PID1: variants seen among roughly 807,000 people sequenced by gnomAD.
The protein encoded by PID1 is phosphotyrosine interaction domain containing 1, also known as PTB-containing, cubilin and LRP1-interacting protein.
Under a neutral mutation model 19.1 loss-of-function variants are expected in PID1, and 10 were observed. That is an observed-to-expected ratio of 0.52 (90% confidence interval 0.32 to 0.89). PID1 has a LOEUF of 0.89. PID1 is among the 40% of genes least tolerant of loss of function. The pLI is 0.03. For missense variants in PID1, 248 were observed against 285.3 expected, an observed-to-expected ratio of 0.87 and a Z score of 0.94; for synonymous variants, 130 against 116.0, an observed-to-expected ratio of 1.12 and a Z score of -0.78.
At chr2:229,174,729 A>G (rs1690782401) in intron 1 of PID1, among the ~76,000 whole-genome samples, 1 of 152,066 alleles carries the variant, frequency 6.6e-6, no homozygotes, top group African/African-American at 2.4e-5. Context: ...TGAAGAAAAA[A>G]AAAAAAAAAA....
intron 2 of PID1, among the ~76,000 whole-genome samples, chr2:229,051,002 C>CA (rs1303440254): frequency 1.3e-5 from 2 of 152,172 alleles, no homozygotes; most frequent in East Asian, 3.9e-4. Flanking sequence ...AGAACTTAGG[C>CA]AGGAAGGCCA....
chr2:229,033,267 T>C (rs542325590), intron 2 of PID1, among the ~76,000 whole-genome samples: 7 of 152,326 alleles, frequency 4.6e-5, no homozygotes, highest in Admixed American at 1.3e-4. Flanking sequence ...AAGCACCTGC[T>C]TTCCTGGAGT....
intron 1 of PID1, among the ~76,000 whole-genome samples, chr2:229,255,495 T>G (rs2106287216): frequency 6.6e-6 from 1 of 152,244 alleles, no homozygotes; most frequent in African/African-American, 2.4e-5. Flanking sequence ...TCAGTTTGGG[T>G]TTTCTGAAAT....
At chr2:229,084,009 T>C (rs1364488468) in intron 2 of PID1, among the ~76,000 whole-genome samples, 1 of 152,176 alleles carries the variant, frequency 6.6e-6, no homozygotes, top group Non-Finnish European at 1.5e-5. Context: ...GTCTATATAA[T>C]AGGAAACATT....
intron 2 of PID1, among the ~76,000 whole-genome samples, chr2:229,065,355 T>TA (rs1194774927): frequency 6.6e-6 from 1 of 152,204 alleles, no homozygotes; most frequent in Non-Finnish European, 1.5e-5. Context: ...TAAGCAATGC[T>TA]AGTGACTATT....
intron 1 of PID1, among the ~76,000 whole-genome samples, chr2:229,231,113 G>T (rs1239738994): frequency 1.3e-5 from 2 of 151,990 alleles, no homozygotes; most frequent in African/African-American, 4.8e-5. Context: ...CCAGGGCCAG[G>T]AACAGTGGCC....
At chr2:229,121,394 ATTC>A (rs1305937354) in intron 2 of PID1, among the ~76,000 whole-genome samples, 17 of 152,206 alleles carry the variant, frequency 1.1e-4, no homozygotes, top group African/African-American at 4.1e-4. Context: ...TGTTCTACAC[ATTC>A]TGACAATGGG....
chr2:229,234,486 A>G (rs1462691134), intron 1 of PID1, among the ~76,000 whole-genome samples: 1 of 152,140 alleles, frequency 6.6e-6, no homozygotes, highest in Non-Finnish European at 1.5e-5. Context: ...AGGCAAGAAA[A>G]CAGCATCTTC....
At chr2:229,116,284 G>A (rs949531314) in intron 2 of PID1, among the ~76,000 whole-genome samples, 3 of 152,122 alleles carry the variant, frequency 2.0e-5, no homozygotes, top group African/African-American at 7.2e-5. Flanking sequence ...TTAGTAATGA[G>A]CCATTTAGTT....
intron 1 of PID1, among the ~76,000 whole-genome samples, chr2:229,225,755 G>A (rs1246192390): frequency 2.0e-5 from 3 of 152,170 alleles, no homozygotes; most frequent in Non-Finnish European, 4.4e-5. Context: ...AAGCAAACAG[G>A]TCCTTCTTCG....
intron 2 of PID1, among the ~76,000 whole-genome samples, chr2:229,144,257 G>A (rs73998565): frequency 0.15 from 22,070 of 152,042 alleles, 1,996 homozygotes; most frequent in East Asian, 0.28. Flanking sequence ...ACACAGCAGA[G>A]CAACAGAGAG....
At chr2:229,057,344 G>A (rs982063497) in intron 2 of PID1, among the ~76,000 whole-genome samples, 2 of 151,926 alleles carry the variant, frequency 1.3e-5, no homozygotes, top group Non-Finnish European at 2.9e-5. Context: ...GGCTGAGGTG[G>A]GAGAGTTGCT....
At chr2:229,050,860 T>C (rs571663349) in intron 2 of PID1, among the ~76,000 whole-genome samples, 5 of 152,294 alleles carry the variant, frequency 3.3e-5, no homozygotes, top group African/African-American at 1.2e-4. Context: ...AACAATCATA[T>C]GGTTAAAAGC....
At chr2:229,211,649 C>G (rs1332895995) in intron 1 of PID1, among the ~76,000 whole-genome samples, 1 of 152,176 alleles carries the variant, frequency 6.6e-6, no homozygotes, top group African/African-American at 2.4e-5. Flanking sequence ...AGCTCTCTAT[C>G]TCTTCTACAG....
intron 2 of PID1, among the ~76,000 whole-genome samples, chr2:229,087,380 AG>A (rs1694789952): frequency 6.6e-6 from 1 of 152,314 alleles, no homozygotes; most frequent in African/African-American, 2.4e-5. Context: ...GTTCAAAAAC[AG>A]GCAACACCAA....
chr2:229,141,933 C>T (rs569164668), intron 2 of PID1, among the ~76,000 whole-genome samples: 4 of 152,104 alleles, frequency 2.6e-5, no homozygotes, highest in Non-Finnish European at 5.9e-5. Flanking sequence ...AACACATCTG[C>T]ACCTGTTGTT....
chr2:229,094,080 T>C (rs1334141009), intron 2 of PID1, among the ~76,000 whole-genome samples: 3 of 152,174 alleles, frequency 2.0e-5, no homozygotes, highest in Non-Finnish European at 4.4e-5. Flanking sequence ...CTAGATTTAA[T>C]ACATTCAGTA....
intron 1 of PID1, among the ~76,000 whole-genome samples, chr2:229,219,360 G>A (rs1174871089): frequency 6.6e-6 from 1 of 152,138 alleles, no homozygotes; most frequent in East Asian, 1.9e-4. Flanking sequence ...GCAACAGCAA[G>A]GAGAAGTGCA....
At chr2:229,094,405 A>C (rs1251093493) in intron 2 of PID1, among the ~76,000 whole-genome samples, 1 of 152,136 alleles carries the variant, frequency 6.6e-6, no homozygotes, top group Non-Finnish European at 1.5e-5. Flanking sequence ...TTCCTATCAA[A>C]ATAATGTCAT....
Sources: gnomAD v4.1 joint callset for allele counts (sites outside exome capture counted in the v4.1 genomes callset) on GRCh38, gnomAD v4.1.1 for gene constraint, MANE v1.5 for transcripts, NCBI Gene and HGNC (gene_info 2026-07-23, HGNC 2026-07-21) for gene names.